KIAA1549L: variants seen among roughly 807,000 people sequenced by gnomAD.
KIAA1549L encodes the protein KIAA1549 like, also known as UPF0606 protein KIAA1549L.
A neutral mutation model predicts 160.7 loss-of-function variants in KIAA1549L; 88 were observed. The observed-to-expected ratio is 0.55, with a 90% CI of 0.46 to 0.65. The LOEUF is 0.65. KIAA1549L is among the 30% of genes least tolerant of loss of function. The pLI is 0.00. For synonymous variants in KIAA1549L, 950 were observed against 976.7 expected (o/e 0.97, Z 0.51); for missense variants, 2,258 against 2,437.5 (o/e 0.93, Z 1.55).
chr11:33,591,863 A>G (rs888909593), intron 12 of KIAA1549L, among the ~76,000 whole-genome samples: 3 of 152,206 alleles, frequency 2.0e-5, no homozygotes, highest in African/African-American at 7.2e-5. Context: ...AAAATGTGTA[A>G]GATTGATTTG....
intron 6 of KIAA1549L, among the ~76,000 whole-genome samples, chr11:33,555,785 CAAAAG>C (rs757746504): frequency 1.2e-4 from 18 of 151,798 alleles, no homozygotes; most frequent in Non-Finnish European, 2.6e-4. Flanking sequence ...CACAGGCAAA[CAAAAG>C]AAAAAGTAGG....
chr11:33,632,986 TG>T (rs1851339312), intron 16 of KIAA1549L, among the ~76,000 whole-genome samples: 1 of 151,740 alleles, frequency 6.6e-6, no homozygotes, highest in African/African-American at 2.4e-5. Flanking sequence ...CGTTGTTGTT[TG>T]TTTTTGAGAC....
intron 13 of KIAA1549L, among the ~76,000 whole-genome samples, chr11:33,603,907 A>G (rs1351467608): frequency 6.6e-6 from 1 of 152,094 alleles, no homozygotes; most frequent in Non-Finnish European, 1.5e-5. Flanking sequence ...CATTAGATTG[A>G]CAGGATCTTG....
At chr11:33,453,520 G>T (rs1851763466) in intron 1 of KIAA1549L, among the ~76,000 whole-genome samples, 1 of 152,144 alleles carries the variant, frequency 6.6e-6, no homozygotes, top group Non-Finnish European at 1.5e-5. Flanking sequence ...TAAGGATCCT[G>T]GGGAGATTTT....
At chr11:33,661,515 T>A (rs560018005) in intron 20 of KIAA1549L, among the ~76,000 whole-genome samples, 5 of 152,282 alleles carry the variant, frequency 3.3e-5, no homozygotes, top group African/African-American at 1.2e-4. Context: ...AAAGCTTTTA[T>A]TAAATTCGTT....
chr11:33,451,814 A>G (rs1373493037), intron 1 of KIAA1549L, among the ~76,000 whole-genome samples: 1 of 152,218 alleles, frequency 6.6e-6, no homozygotes, highest in Admixed American at 6.5e-5. Flanking sequence ...ACAAGTCCCT[A>G]AACAGCCAGC....
At chr11:33,442,342 A>G (rs1482872404) in intron 1 of KIAA1549L, among the ~76,000 whole-genome samples, 5 of 152,134 alleles carry the variant, frequency 3.3e-5, no homozygotes, top group Admixed American at 2.0e-4. Flanking sequence ...TATAGTTTGA[A>G]GTCAGGTAGC....
chr11:33,514,942 TA>T (rs1853310584), intron 1 of KIAA1549L, among the ~76,000 whole-genome samples: 2 of 152,240 alleles, frequency 1.3e-5, no homozygotes, highest in African/African-American at 2.4e-5. Flanking sequence ...ACTTGGTGCA[TA>T]AAATTGATAT....
intron 1 of KIAA1549L, among the ~76,000 whole-genome samples, chr11:33,536,271 G>A (rs937145900): frequency 5.3e-5 from 8 of 152,208 alleles, no homozygotes; most frequent in Admixed American, 2.0e-4. Context: ...GGCACAGTGC[G>A]GATGGCTTTT....
chr11:33,524,182 T>C (rs972304937), intron 1 of KIAA1549L, among the ~76,000 whole-genome samples: 2 of 152,208 alleles, frequency 1.3e-5, no homozygotes, highest in Admixed American at 1.3e-4. Flanking sequence ...CATTTCTGGA[T>C]TGATTTTGAT....
At chr11:33,405,078 T>G (rs1850617357) in intron 1 of KIAA1549L, among the ~76,000 whole-genome samples, 1 of 152,166 alleles carries the variant, frequency 6.6e-6, no homozygotes, top group Non-Finnish European at 1.5e-5. Flanking sequence ...AGAAAATGTT[T>G]TATTTTCATT....
At chr11:33,614,964 C>T in intron 15 of KIAA1549L, among the ~76,000 whole-genome samples, 1 of 151,890 alleles carries the variant, frequency 6.6e-6, no homozygotes, top group African/African-American at 2.4e-5. Context: ...CATGCCATAC[C>T]TAAATAATAA....
chr11:33,646,040 A>T lies in KIAA1549L; in HGVS notation c.5760+4A>T. 1 of 1,547,322 alleles carries T rather than the reference A, an allele frequency of 6.5e-7. No homozygotes were observed. On this transcript the variant is annotated splice_donor_region_variant and intron_variant, in intron 17 of 20. Coordinates refer to ENST00000658780, the MANE Select transcript of KIAA1549L (RefSeq NM_012194.3). ...TCAGTACAGTCTGCCCCGGCCGGTA[A>T]GTCATTCATTCCACCCACCTGCCAT...
At chr11:33,450,068 T>C (rs1481149775) in intron 1 of KIAA1549L, among the ~76,000 whole-genome samples, 1 of 152,194 alleles carries the variant, frequency 6.6e-6, no homozygotes, top group Non-Finnish European at 1.5e-5. Context: ...AGCTTTTCCT[T>C]AGATGAAAAT....
chr11:33,575,293 C>A (rs1388483988), intron 10 of KIAA1549L, among the ~76,000 whole-genome samples: 1 of 152,168 alleles, frequency 6.6e-6, no homozygotes, highest in Non-Finnish European at 1.5e-5. Context: ...AGCAGGGAGA[C>A]TTAATGCAGG....
chr11:33,542,233 T>A lies in KIAA1549L; in HGVS notation c.670T>A (p.Trp224Arg), dbSNP rs1346792927. 1.4e-5 allele frequency: 9 copies of A among 664,134 alleles called. No homozygotes were observed. The highest frequency in any genetic ancestry group is 2.2e-5 in the Non-Finnish European group (8 of 358,738). 41.1% of individuals were successfully genotyped at this position (664,134 alleles called of 1,614,324 possible). Residue 224 changes from tryptophan to arginine, a missense_variant, in exon 2 of 21, where the codon TGG becomes AGG. Trp to Arg is a moderately radical substitution (Grantham distance 101, BLOSUM62 -3). Transcript: ENST00000658780. ...FSAVPPSQPV[W>R]AGTSSISKHP... is the part of the protein sequence containing the mutation. ...TGCTGTCCCCCCATCCCAGCCAGTA[T>A]GGGCAGGGACTTCCTCCATTTCAAA...
chr11:33,470,991 T>C lies in KIAA1549L; in HGVS notation c.239-70811T>C, dbSNP rs140378752. On this transcript the variant is annotated intron_variant, in intron 1 of 20. Coordinates refer to ENST00000658780, the MANE Select transcript of KIAA1549L (RefSeq NM_012194.3). Reference sequence around the variant, plus strand: ...TTGTTAGGTGTTTCCATAAGTTTCTTGCATTTTTTTTAAGAGACTAAATTT... The same window carrying C: ...TTGTTAGGTGTTTCCATAAGTTTCTCGCATTTTTTTTAAGAGACTAAATTT... Among the ~76,000 whole-genome samples, 14 of 152,226 alleles carry C rather than the reference T, an allele frequency of 9.2e-5. No individual in the cohort carries two copies. In the East Asian group the frequency reaches 2.5e-3, roughly 27 times the overall value.
chr11:33,577,625 TAATGA>T (rs1229493004), intron 10 of KIAA1549L, among the ~76,000 whole-genome samples: 3 of 152,116 alleles, frequency 2.0e-5, no homozygotes, highest in Non-Finnish European at 2.9e-5. Context: ...CTCTTGGGTA[TAATGA>T]AATGAAGTCG....
At chr11:33,632,305 G>A (rs1444540250) in intron 16 of KIAA1549L, among the ~76,000 whole-genome samples, 1 of 152,194 alleles carries the variant, frequency 6.6e-6, no homozygotes, top group East Asian at 1.9e-4. Context: ...CAGTGCAAGA[G>A]GGAATTCTCT....
Sources: allele counts gnomAD v4.1 joint callset (sites outside exome capture counted in the v4.1 genomes callset), GRCh38; gene constraint gnomAD v4.1.1; transcripts MANE v1.5; gene names NCBI Gene and HGNC (gene_info 2026-07-23, HGNC 2026-07-21).